Variants in NPAS2 observed in about 807,000 individuals in gnomAD.
NPAS2 encodes neuronal PAS domain-containing protein 2.
A neutral mutation model predicts 107.5 loss-of-function variants in NPAS2; 23 were observed. That is an observed-to-expected ratio of 0.21 (90% CI 0.15 to 0.30). NPAS2 has a LOEUF of 0.30. NPAS2 is among the 10% of genes least tolerant of loss of function. The pLI is 1.00. For synonymous variants in NPAS2, 403 were observed against 417.5 expected (o/e 0.97, Z 0.42); for missense variants, 756 against 1,043.3 (o/e 0.72, Z 3.79).
At chr2:100,964,784 C>T (rs7581886) in intron 8 of NPAS2, 77 bp from the exon 9 acceptor site, 740,183 of 825,248 alleles carry the variant, frequency 0.9, 332,906 homozygotes, top group East Asian at 1. Flanking sequence ...TTACCCACCA[C>T]GCGTTCCTCT....
intron 1 of NPAS2, among the ~76,000 whole-genome samples, chr2:100,879,045 G>A (rs1254267478): frequency 6.6e-6 from 1 of 151,898 alleles, no homozygotes; most frequent in Non-Finnish European, 1.5e-5. Flanking sequence ...CTTGAACCTG[G>A]GAGGTTGCAG....
intron 2 of NPAS2, among the ~76,000 whole-genome samples, chr2:100,917,873 A>G (rs928098807): frequency 1.3e-5 from 2 of 152,216 alleles, no homozygotes; most frequent in Non-Finnish European, 2.9e-5. Flanking sequence ...AGACATTAAA[A>G]GAAGAAATAT....
intron 3 of NPAS2, among the ~76,000 whole-genome samples, chr2:100,932,296 G>T (rs1684009284): frequency 6.6e-6 from 1 of 152,222 alleles, no homozygotes; most frequent in Non-Finnish European, 1.5e-5. Context: ...TCGGCATAAT[G>T]TCTTCAGTAC....
chr2:100,993,343 A>G lies in NPAS2; in HGVS notation c.2112-4A>G. The stretch of plus-strand genomic sequence containing the variant: ...ACCTGTTTTCTCCTTCCCACGTGAA[A>G]CAGGTACGCCCAGAGCCAGACCGTG... On this transcript the variant is annotated splice_polypyrimidine_tract_variant and splice_region_variant and intron_variant, in intron 19 of 20. Transcript: ENST00000335681. 1 of 1,561,378 alleles carries G rather than the reference A, an allele frequency of 6.4e-7. No homozygotes were observed. Among genetic ancestry groups the G allele is most frequent in the Non-Finnish European group, 8.7e-7 (1 of 1,148,362 alleles).
In NPAS2 at chr2:100,888,159, C is replaced by T. The variant is rs374596893; in HGVS notation, c.-22-16574C>T. ...GATCCTGCATTAGGATGAATTATTG[C>T]GGGAACCAATGCCAGGCTTCTTTCC... is the stretch of plus-strand genomic sequence containing the variant. On this transcript the variant is annotated intron_variant, in intron 1 of 20. Transcript: ENST00000335681. Among the ~76,000 whole-genome samples the T allele has an allele frequency of 2.0e-4, 31 of 152,268 alleles. No individual in the cohort carries two copies. In the East Asian group the frequency reaches 2.9e-3, roughly 14 times the overall value.
At chr2:100,983,029 T>C (rs1677555053) in intron 16 of NPAS2, 1 of 152,480 alleles carries the variant, frequency 6.6e-6, no homozygotes. Context: ...ATTGGATCTC[T>C]TTTAATAATA....
At chr2:100,826,466 TAAA>T (rs1225903254) in intron 1 of NPAS2, among the ~76,000 whole-genome samples, 1 of 152,094 alleles carries the variant, frequency 6.6e-6, no homozygotes, top group Non-Finnish European at 1.5e-5. Flanking sequence ...AACTAAAAAA[TAAA>T]AACAAAAACT....
intron 20 of NPAS2, chr2:100,994,149 C>G (rs1465268835): frequency 3.3e-5 from 5 of 152,364 alleles, no homozygotes; most frequent in Admixed American, 3.3e-4. Flanking sequence ...CCTGGCCTTC[C>G]CTCACCCATG....
chr2:100,863,857 G>A (rs1679088641), intron 1 of NPAS2, among the ~76,000 whole-genome samples: 1 of 152,126 alleles, frequency 6.6e-6, no homozygotes, highest in African/African-American at 2.4e-5. Flanking sequence ...GAGGATTGCT[G>A]CAGATCTCCT....
intron 1 of NPAS2, among the ~76,000 whole-genome samples, chr2:100,830,806 G>A (rs557353409): frequency 9.2e-5 from 14 of 152,278 alleles, no homozygotes; most frequent in Admixed American, 4.6e-4. Flanking sequence ...ATCATGGAGG[G>A]TGAAGACCTT....
At chr2:100,990,964 A>G (rs1266343885) in intron 19 of NPAS2, 92 bp downstream of exon 19, 3 of 1,043,348 alleles carry the variant, frequency 2.9e-6, no homozygotes, top group African/African-American at 3.1e-5. Context: ...CAGCACTCAC[A>G]TGAGCCTTGC....
intron 1 of NPAS2, among the ~76,000 whole-genome samples, chr2:100,900,259 A>G (rs1412546478): frequency 6.6e-6 from 1 of 152,198 alleles, no homozygotes; most frequent in African/African-American, 2.4e-5. Context: ...ATGAAGACTA[A>G]CAGTCCAATT....
chr2:100,874,426 C>T (rs1300126121), intron 1 of NPAS2, among the ~76,000 whole-genome samples: 3 of 152,118 alleles, frequency 2.0e-5, no homozygotes, highest in African/African-American at 4.8e-5. Context: ...TGAGAATTCT[C>T]ATATAGCAAC....
chr2:100,883,627 A>T (rs4081946), intron 1 of NPAS2, among the ~76,000 whole-genome samples: 1 of 151,926 alleles, frequency 6.6e-6, no homozygotes, highest in Non-Finnish European at 1.5e-5. Context: ...CAGTCTCCAT[A>T]GGTTCTTAGC....
rs186124502 is a variant in NPAS2, at chr2:100,943,110, C to A, written c.364-5125C>A. ...GGGTTGAGGGAAGTTCTGCCTCCACCTTTACTAAGTAACACCAGAATGATG... is the reference window on the plus strand; with the variant it reads ...GGGTTGAGGGAAGTTCTGCCTCCACATTTACTAAGTAACACCAGAATGATG... On this transcript the variant is annotated intron_variant, in intron 5 of 20. Transcript: ENST00000335681. Among the ~76,000 whole-genome samples, 767 of 151,976 alleles carry A rather than the reference C, an allele frequency of 5.0e-3. 11 individuals carry two copies. The East Asian group carries it at 0.051, about 10-fold the overall frequency.
intron 2 of NPAS2, among the ~76,000 whole-genome samples, chr2:100,913,754 T>A (rs1234100118): frequency 1.3e-5 from 2 of 152,196 alleles, no homozygotes; most frequent in East Asian, 1.9e-4. Flanking sequence ...CTTTTGGTGA[T>A]GTATAAAATG....
At chr2:100,986,702 A>C (rs1050858436) in intron 16 of NPAS2, 1 of 152,252 alleles carries the variant, frequency 6.6e-6, no homozygotes, top group Admixed American at 6.5e-5. Flanking sequence ...CAACTGACAG[A>C]TTCCGTTTTA....
intron 1 of NPAS2, among the ~76,000 whole-genome samples, chr2:100,864,101 G>A (rs1573494216): frequency 6.6e-6 from 1 of 152,324 alleles, no homozygotes; most frequent in Non-Finnish European, 1.5e-5. Context: ...GATGCTTGGT[G>A]GGAATTTGGT....
At chr2:100,910,384 C>T (rs1303517276) in intron 2 of NPAS2, among the ~76,000 whole-genome samples, 1 of 152,110 alleles carries the variant, frequency 6.6e-6, no homozygotes, top group Non-Finnish European at 1.5e-5. Context: ...GGAGAATAGA[C>T]AGCCTCAGCT....
Sources: gnomAD v4.1 joint callset for allele counts (sites outside exome capture counted in the v4.1 genomes callset) on GRCh38, gnomAD v4.1.1 for gene constraint, MANE v1.5 for transcripts, NCBI Gene and HGNC (gene_info 2026-07-23, HGNC 2026-07-21) for gene names.